Variants in PCDHGA7 observed in about 807,000 individuals in gnomAD.
PCDHGA7 encodes the protein protocadherin gamma-A7.
Under a neutral mutation model 58.3 loss-of-function variants are expected in PCDHGA7, and 44 were observed. The observed-to-expected ratio is 0.75, with a 90% confidence interval of 0.59 to 0.97. The LOEUF (loss-of-function observed/expected upper bound fraction) is 0.97, where lower values mean the gene tolerates loss of function less well. Ranked by LOEUF, PCDHGA7 falls within the 50% of genes least tolerant of loss-of-function variation. PCDHGA7 has a pLI of 0.00. For missense variants in PCDHGA7, 1,266 were observed against 1,188.7 expected (o/e 1.06, Z -0.96); for synonymous variants, 516 against 504.2 (o/e 1.02, Z -0.31).
intron 1 of PCDHGA7, chr5:141,387,785 G>A: frequency 6.8e-7 from 1 of 1,472,108 alleles, no homozygotes; most frequent in Non-Finnish European, 9.1e-7. Flanking sequence ...AACTGGAACT[G>A]CAACTAAAGT....
Position 141,489,381 on chromosome 5 carries a change from T to C in PCDHGA7, c.2425-5426T>C. 3 of 1,613,894 alleles carry C rather than the reference T, an allele frequency of 1.9e-6. No individual in the cohort carries two copies. The highest frequency in any genetic ancestry group is 2.5e-6 in the Non-Finnish European group (3 of 1,179,802). On this transcript the variant is annotated intron_variant, in intron 1 of 3. Coordinates refer to ENST00000518325, the MANE Select transcript of PCDHGA7 (RefSeq NM_018920.4). The surrounding 1 kb of genome is among the most constrained non-coding windows in gnomAD (Gnocchi z 4.5). ...CTGAGCCGGGGACGCTGGTGGGGAA[T>C]GTTGCTCAGGATCTGGGCTTAAAGA...
intron 1 of PCDHGA7, chr5:141,392,814 A>G: frequency 2.5e-6 from 4 of 1,585,078 alleles, no homozygotes; most frequent in South Asian, 2.3e-5. Flanking sequence ...CAAAACAACA[A>G]TGGCCGCTCC....
At chr5:141,446,798 T>C (rs1223789118) in intron 1 of PCDHGA7, among the ~76,000 whole-genome samples, 1 of 152,160 alleles carries the variant, frequency 6.6e-6, no homozygotes, top group Non-Finnish European at 1.5e-5. Flanking sequence ...AGTTCTTCCA[T>C]TGTGATCATC....
chr5:141,498,523 G>A (rs555386753), intron 2 of PCDHGA7, among the ~76,000 whole-genome samples: 1 of 151,580 alleles, frequency 6.6e-6, no homozygotes, highest in Admixed American at 6.6e-5. Context: ...CTTGCCCACT[G>A]CCCTCCAGCC....
intron 1 of PCDHGA7, chr5:141,399,759 G>A: frequency 1.2e-6 from 2 of 1,613,348 alleles, no homozygotes; most frequent in Non-Finnish European, 1.7e-6. Flanking sequence ...ACGTGAGCCT[G>A]CGCGTGTTGG....
At chr5:141,423,120 G>A in intron 1 of PCDHGA7, 1 of 1,613,800 alleles carries the variant, frequency 6.2e-7, no homozygotes. Flanking sequence ...GTACAGCGCG[G>A]GCACTGCTGG....
intron 1 of PCDHGA7, chr5:141,423,975 A>T: frequency 8.9e-7 from 1 of 1,126,024 alleles, no homozygotes; most frequent in Non-Finnish European, 1.1e-6. Flanking sequence ...TTATCAGTGT[A>T]TGAGGCTCTC....
rs13436338 is a variant in PCDHGA7, at chr5:141,468,261, G to A, written c.2425-26546G>A. On this transcript the variant is annotated intron_variant, in intron 1 of 3. Coordinates refer to ENST00000518325, the MANE Select transcript of PCDHGA7 (RefSeq NM_018920.4). ...AATTGCCTGAACCTGGGAGGCAGAG[G>A]TTGTGGTGAGCCGAGACCACGCCAT... Among the ~76,000 whole-genome samples, 391 of 149,216 alleles carry A rather than the reference G, an allele frequency of 2.6e-3. 2 individuals are homozygous for A. Among genetic ancestry groups the A allele is most frequent in the African/African-American group, 9.3e-3 (377 of 40,498 alleles).
chr5:141,385,481 G>A, intron 1 of PCDHGA7, 158 bp downstream of exon 1: 8 of 1,422,472 alleles, frequency 5.6e-6, no homozygotes, highest in Non-Finnish European at 6.4e-6. Context: ...CTTTAATATA[G>A]AACACATAGG....
In PCDHGA7 at chr5:141,505,435, G is replaced by A. The variant is rs1274195652; in HGVS notation, c.2526G>A (p.Gln842=). The change falls in exon 3 of 4, where the codon CAG becomes CAA. Residue 842 remains glutamine, a synonymous_variant. Transcript: ENST00000518325. ...GDDTGTWPNN[Q]FDTEMLQAMI... is the part of the protein sequence containing the mutation. ...ACACCGGCACCTGGCCCAACAACCA[G>A]TTTGACACAGAGATGCTGCAAGCCA... 1 of 1,614,096 alleles carries A rather than the reference G, an allele frequency of 6.2e-7. No homozygotes were observed. Among genetic ancestry groups the A allele is most frequent in the African/African-American group, 1.3e-5 (1 of 74,936 alleles).
At chr5:141,387,533 C>A (rs2090979640) in intron 1 of PCDHGA7, among the ~76,000 whole-genome samples, 1 of 152,192 alleles carries the variant, frequency 6.6e-6, no homozygotes, top group African/African-American at 2.4e-5. Flanking sequence ...GACGTATCCA[C>A]GTAGTTTTTG....
At chr5:141,400,294 T>TTGCC (rs1347415154) in intron 1 of PCDHGA7, 1 of 1,614,070 alleles carries the variant, frequency 6.2e-7, no homozygotes, top group African/African-American at 1.3e-5. Context: ...CTGGAGCTGC[T>TTGCC]TCCAACCTGG....
rs1403362361 is a variant in PCDHGA7 at position 141,384,751 on chromosome 5, G to T, written c.1852G>T (p.Ala618Ser). ...LLKASEPGLF[A>S]VGLYTGEVRT... ...TAAGGCCAGCGAGCCAGGACTCTTT[G>T]CGGTTGGGCTGTACACGGGCGAGGT... Residue 618 changes from alanine to serine, a missense_variant, in exon 1 of 4, where the codon GCG becomes TCG. By Grantham distance (99) the Ala-to-Ser change is moderately conservative. Transcript: ENST00000518325. The T allele has an allele frequency of 1.2e-6, 2 of 1,614,050 alleles. No individual in the cohort carries two copies. Among genetic ancestry groups the T allele is most frequent in the East Asian group, 4.5e-5 (2 of 44,876 alleles).
At position 141,485,009 on chromosome 5, in the gene PCDHGA7, C is replaced by T. The variant is rs531346426; in HGVS notation, c.2425-9798C>T. The T allele has an allele frequency of 6.4e-5, 40 of 628,334 alleles. No homozygotes were observed. Among genetic ancestry groups the T allele is most frequent in the Admixed American group, 5.3e-4 (18 of 33,986 alleles). The allele number at this position is 628,334 out of a possible 1,614,324, so 38.9% of individuals were successfully genotyped here. On this transcript the variant is annotated intron_variant, in intron 1 of 3. Transcript: ENST00000518325. The surrounding 1 kb of genome is among the most constrained non-coding windows in gnomAD (Gnocchi z 5.7). Reference sequence around the variant, plus strand: ...GGTGGTGAAAGGCAGACAAATCTACCCCGCCACCAGCAAAAACGGCGCGTA... The same window carrying T: ...GGTGGTGAAAGGCAGACAAATCTACTCCGCCACCAGCAAAAACGGCGCGTA...
At chr5:141,501,146 T>C (rs2299023) in intron 2 of PCDHGA7, among the ~76,000 whole-genome samples, 88,663 of 152,012 alleles carry the variant, frequency 0.58, 27,355 homozygotes, top group African/African-American at 0.78. Context: ...GGATTACAGG[T>C]GGGAGCCACC....
At chr5:141,461,133 T>C (rs2099009646) in intron 1 of PCDHGA7, among the ~76,000 whole-genome samples, 1 of 152,086 alleles carries the variant, frequency 6.6e-6, no homozygotes, top group South Asian at 2.1e-4. Flanking sequence ...TAATTACTTA[T>C]TTTCCTTTGG....
At chr5:141,488,268 C>T (rs1371050827) in intron 1 of PCDHGA7, among the ~76,000 whole-genome samples, 1 of 152,170 alleles carries the variant, frequency 6.6e-6, no homozygotes, top group East Asian at 1.9e-4. Context: ...GCGGGTTGGT[C>T]ATCACCTTTG....
chr5:141,423,782 C>T (rs1458189260), intron 1 of PCDHGA7: 9 of 1,243,226 alleles, frequency 7.2e-6, no homozygotes, highest in Non-Finnish European at 9.3e-6. Flanking sequence ...ATATTTAGTT[C>T]ATATATATTT....
intron 1 of PCDHGA7, among the ~76,000 whole-genome samples, chr5:141,397,777 C>T (rs1589309887): frequency 6.6e-6 from 1 of 152,170 alleles, no homozygotes; most frequent in Non-Finnish European, 1.5e-5. Flanking sequence ...AGTATATGGA[C>T]GTAAAAACTT....
Sources: allele counts gnomAD v4.1 joint callset (sites outside exome capture counted in the v4.1 genomes callset), GRCh38; gene constraint gnomAD v4.1.1; non-coding constraint Gnocchi (gnomAD v3.1); transcripts MANE v1.5; gene names NCBI Gene and HGNC (gene_info 2026-07-23, HGNC 2026-07-21).